The following ARHGEF12 variants were observed in gnomAD, a reference collection of about 807,000 sequenced individuals.
ARHGEF12 encodes Rho guanine nucleotide exchange factor 12.
Under a neutral mutation model 211.2 loss-of-function variants are expected in ARHGEF12, and 66 were observed. The observed-to-expected ratio is 0.31, with a 90% CI of 0.26 to 0.38. ARHGEF12 has a LOEUF of 0.38. Ranked by LOEUF, ARHGEF12 falls within the 10% of genes least tolerant of loss-of-function variation. ARHGEF12 has a pLI of 1.00. For synonymous variants in ARHGEF12, 592 were observed against 638.4 expected (o/e 0.93, Z 1.09); for missense variants, 1,429 against 1,869.5 (o/e 0.76, Z 4.34).
At chr11:120,419,649 A>T (rs907597696) in intron 4 of ARHGEF12, among the ~76,000 whole-genome samples, 1 of 151,852 alleles carries the variant, frequency 6.6e-6, no homozygotes, top group African/African-American at 2.4e-5. Flanking sequence ...ATAATTTGTT[A>T]TATGTATATG....
rs1287627199 is a variant in ARHGEF12 at position 120,481,252 on chromosome 11, A to G, written c.4238-8A>G. The G allele has an allele frequency of 6.2e-7, 1 of 1,612,812 alleles. No homozygotes were observed. Among genetic ancestry groups the G allele is most frequent in the Admixed American group, 1.7e-5 (1 of 60,004 alleles). The stretch of plus-strand genomic sequence containing the variant: ...GGTCTTATCAAACTATTCTGTCTCT[A>G]TCCATAGGAAACTATTTGATCCTTG... On this transcript the variant is annotated splice_polypyrimidine_tract_variant and splice_region_variant and intron_variant, in intron 38 of 40. Coordinates refer to ENST00000397843, the MANE Select transcript of ARHGEF12 (RefSeq NM_015313.3).
At chr11:120,474,863 T>C (rs1946983302) in intron 32 of ARHGEF12, among the ~76,000 whole-genome samples, 1 of 152,246 alleles carries the variant, frequency 6.6e-6, no homozygotes, top group South Asian at 2.1e-4. Flanking sequence ...CCTATTTCCA[T>C]CATTCTTATA....
At chr11:120,375,523 T>C (rs1324182710) in intron 1 of ARHGEF12, among the ~76,000 whole-genome samples, 2 of 151,540 alleles carry the variant, frequency 1.3e-5, no homozygotes, top group Non-Finnish European at 2.9e-5. Flanking sequence ...CCTTTACCTG[T>C]AGTGTTCCAA....
chr11:120,445,229 A>T (rs904023160), intron 15 of ARHGEF12, among the ~76,000 whole-genome samples, 193 bp from the exon 16 acceptor site: 3 of 152,170 alleles, frequency 2.0e-5, no homozygotes, highest in Non-Finnish European at 4.4e-5. Context: ...GATCCTCGGG[A>T]AAAGGGCTCA....
chr11:120,454,800 T>C (rs1280999537), intron 22 of ARHGEF12, among the ~76,000 whole-genome samples: 3 of 152,308 alleles, frequency 2.0e-5, no homozygotes, highest in Non-Finnish European at 4.4e-5. Context: ...TTCCATGAAA[T>C]GGTAGCTGGC....
rs1947234156 is a variant in ARHGEF12 at position 120,481,459 on chromosome 11, C to T, written c.4437C>T (p.Arg1479=). Residue 1479 remains arginine (R), a synonymous_variant, in exon 39 of 41, where the codon CGC becomes CGT. Transcript: ENST00000397843. ...CCCCCGAATTTCTGGTCCAGCAGCG[C>T]TGGGGAGCTATGGAGTATTCCTGTT... ...PFTPEFLVQQ[R]WGAMEYSCFE... 1 of 1,614,106 alleles carries T rather than the reference C, an allele frequency of 6.2e-7. No homozygotes were observed. The highest frequency in any genetic ancestry group is 1.3e-5 in the African/African-American group (1 of 74,936).
chr11:120,352,690 C>T (rs4938801), intron 1 of ARHGEF12, among the ~76,000 whole-genome samples: 66,870 of 151,870 alleles, frequency 0.44, 15,402 homozygotes, highest in African/African-American at 0.57. Flanking sequence ...GAGTTACAGG[C>T]GTGCTTTGTT....
intron 11 of ARHGEF12, among the ~76,000 whole-genome samples, chr11:120,435,643 T>C (rs957064256): frequency 6.6e-6 from 1 of 151,252 alleles, no homozygotes. Flanking sequence ...GCCTTCCGAG[T>C]AGCTGGGACT....
At chr11:120,442,473 C>CAG (rs1252311502) in intron 15 of ARHGEF12, among the ~76,000 whole-genome samples, 1 of 151,134 alleles carries the variant, frequency 6.6e-6, no homozygotes, top group East Asian at 1.9e-4. Context: ...TACACACACA[C>CAG]ACACACACAT....
At chr11:120,447,140 C>A in intron 18 of ARHGEF12, 55 bp downstream of exon 18, 1 of 1,572,572 alleles carries the variant, frequency 6.4e-7, no homozygotes, top group South Asian at 1.2e-5. Context: ...ACTAGTTATG[C>A]TTGAAGTGTC....
chr11:120,339,652 A>G lies in ARHGEF12; in HGVS notation c.32+2377A>G, dbSNP rs933311706. ...TTCTTTCATTGTGGTGCTTCTGACT[A>G]CAGAGTCTGTCTGTCCTCAGTTGAA... On this transcript the variant is annotated intron_variant, in intron 1 of 40. Coordinates refer to ENST00000397843, the MANE Select transcript of ARHGEF12 (RefSeq NM_015313.3). Among the ~76,000 whole-genome samples the G allele has an allele frequency of 2.6e-5, 4 of 152,220 alleles. No individual in the cohort carries two copies. The East Asian group carries it at 5.8e-4, about 22-fold the overall frequency.
chr11:120,460,604 T>C, intron 26 of ARHGEF12, 68 bp from the exon 27 acceptor site: 1 of 1,333,552 alleles, frequency 7.5e-7, no homozygotes, highest in Non-Finnish European at 1.1e-6. Flanking sequence ...AATTAGCTAC[T>C]CTGTACTACC....
chr11:120,435,175 T>C (rs1286524616), intron 11 of ARHGEF12, among the ~76,000 whole-genome samples: 1 of 152,136 alleles, frequency 6.6e-6, no homozygotes, highest in Non-Finnish European at 1.5e-5. Context: ...TAATTTATAA[T>C]AGTTTCCTTC....
At chr11:120,463,547 C>T (rs113891219) in intron 27 of ARHGEF12, 1 of 125,960 alleles carries the variant, frequency 7.9e-6, no homozygotes, top group Non-Finnish European at 1.7e-5. Context: ...AAAAAAAAAA[C>T]CAAAAAAAAC....
At chr11:120,381,005 A>G (rs1486382507) in intron 1 of ARHGEF12, among the ~76,000 whole-genome samples, 3 of 152,172 alleles carry the variant, frequency 2.0e-5, no homozygotes, top group South Asian at 2.1e-4. Flanking sequence ...ACGTGGTACT[A>G]GAAGATGCTC....
At chr11:120,420,563 G>A (rs1428331887) in intron 4 of ARHGEF12, among the ~76,000 whole-genome samples, 190 bp from the exon 5 acceptor site, 2 of 152,216 alleles carry the variant, frequency 1.3e-5, no homozygotes, top group African/African-American at 4.8e-5. Context: ...AAAACAGTAT[G>A]TGTGACTCTG....
In ARHGEF12 at chr11:120,485,628, T is replaced by A; in HGVS notation, c.*551T>A. On this transcript the variant is annotated 3_prime_UTR_variant, in exon 41 of 41. Transcript: ENST00000397843. ...TGAGACGGGGAAGGGAGGAGCACCT[T>A]GCTTCACTATACAGTATTCCAAGCT... The A allele has an allele frequency of 4.2e-6, 1 of 235,838 alleles. No homozygotes were observed. 14.6% of individuals were successfully genotyped at this position (235,838 alleles called of 1,614,324 possible).
At position 120,485,519 on chromosome 11, in the gene ARHGEF12, A is replaced by G. The variant is rs1947374776; in HGVS notation, c.*442A>G. 4.2e-6 allele frequency: 1 copy of G among 240,150 alleles called. No individual in the cohort carries two copies. The highest frequency in any genetic ancestry group is 2.2e-5 in the African/African-American group (1 of 45,492). 14.9% of individuals were successfully genotyped at this position (240,150 alleles called of 1,614,324 possible). A position where few individuals can be genotyped will look rare whatever the true frequency, so the allele number is the denominator to read the frequency against. ...AGTTTTAGACCTTTGTCTTTAGTACACCCAAGGATCAACTGCTCCTGAAGC... is the reference window on the plus strand; with the variant it reads ...AGTTTTAGACCTTTGTCTTTAGTACGCCCAAGGATCAACTGCTCCTGAAGC... On this transcript the variant is annotated 3_prime_UTR_variant, in exon 41 of 41. Transcript: ENST00000397843.
At position 120,488,349 on chromosome 11, in the gene ARHGEF12, T is replaced by C. The variant is rs1947449357; in HGVS notation, c.*3272T>C. The stretch of plus-strand genomic sequence containing the variant: ...TGTCACAGAGGGCACCACTGAGAAC[T>C]GCGTGCATAGGACCTCAAAATACAA... On this transcript the variant is annotated 3_prime_UTR_variant, in exon 41 of 41. Transcript: ENST00000397843. The C allele has an allele frequency of 4.7e-6, 1 of 214,748 alleles. No homozygotes were observed. Among genetic ancestry groups the C allele is most frequent in the East Asian group, 6.9e-5 (1 of 14,412 alleles). 13.3% of individuals were successfully genotyped at this position (214,748 alleles called of 1,614,324 possible). A position where few individuals can be genotyped will look rare whatever the true frequency, so the allele number is the denominator to read the frequency against.
Sources: gnomAD v4.1 joint callset for allele counts (sites outside exome capture counted in the v4.1 genomes callset) on GRCh38, gnomAD v4.1.1 for gene constraint, MANE v1.5 for transcripts, NCBI Gene and HGNC (gene_info 2026-07-23, HGNC 2026-07-21) for gene names.